HDAC9: variants seen among roughly 807,000 people sequenced by gnomAD.
HDAC9 encodes the protein histone deacetylase 9.
In HDAC9, 41 loss-of-function variants were observed where a neutral mutation model predicts 139.4. That is an observed-to-expected ratio of 0.29 (90% confidence interval 0.23 to 0.38). HDAC9 has a LOEUF of 0.38. HDAC9 is among the 10% of genes least tolerant of loss of function. The pLI, the probability that HDAC9 is intolerant of heterozygous loss-of-function variation, is 1.00. For missense variants in HDAC9, 1,147 were observed against 1,297.0 expected, an observed-to-expected ratio of 0.88 and a Z score of 1.78; for synonymous variants, 517 against 476.2, an observed-to-expected ratio of 1.09 and a Z score of -1.12.
chr7:18,882,936 G>T (rs967002770), intron 22 of HDAC9, among the ~76,000 whole-genome samples: 1 of 152,040 alleles, frequency 6.6e-6, no homozygotes, highest in African/African-American at 2.4e-5. Flanking sequence ...AATAGTAAGT[G>T]TATTGTCCAT....
chr7:18,924,169 G>A (rs1585321232), intron 22 of HDAC9, among the ~76,000 whole-genome samples: 1 of 149,122 alleles, frequency 6.7e-6, no homozygotes, highest in Admixed American at 6.7e-5. Context: ...CTATCCTATT[G>A]GGCTTATTAG....
chr7:18,227,118 A>G (rs1414518970), intron 2 of HDAC9, among the ~76,000 whole-genome samples: 4 of 152,218 alleles, frequency 2.6e-5, no homozygotes, highest in African/African-American at 7.2e-5. Context: ...GTGCATACAC[A>G]TAAGTCTTTC....
At chr7:18,786,448 T>C (rs1299685289) in intron 16 of HDAC9, among the ~76,000 whole-genome samples, 1 of 144,422 alleles carries the variant, frequency 6.9e-6, no homozygotes, top group East Asian at 2.0e-4. Context: ...TTTTTTCCCA[T>C]CGCCCTTTCC....
chr7:18,175,539 T>G (rs911339959), intron 2 of HDAC9, among the ~76,000 whole-genome samples: 1 of 152,176 alleles, frequency 6.6e-6, no homozygotes, highest in Admixed American at 6.5e-5. Context: ...GTCTTCTGTG[T>G]TGATCACGAT....
chr7:18,772,442 T>C (rs1208951692), intron 16 of HDAC9, among the ~76,000 whole-genome samples: 1 of 152,058 alleles, frequency 6.6e-6, no homozygotes, highest in African/African-American at 2.4e-5. Context: ...CCAATTATCC[T>C]GAGCAAGCAC....
chr7:18,767,495 AAC>A (rs1294157470), intron 16 of HDAC9, among the ~76,000 whole-genome samples: 1 of 152,220 alleles, frequency 6.6e-6, no homozygotes, highest in African/African-American at 2.4e-5. Context: ...AAGAGAGTTT[AAC>A]ACAGATTTGC....
At chr7:18,764,512 A>T (rs1192496158) in intron 15 of HDAC9, among the ~76,000 whole-genome samples, 2 of 152,060 alleles carry the variant, frequency 1.3e-5, no homozygotes, top group Non-Finnish European at 2.9e-5. Flanking sequence ...AGTTTAGCTA[A>T]TTTTTCTCAA....
At position 18,780,357 on chromosome 7, in the gene HDAC9, T is replaced by TA. The variant is rs376432019; in HGVS notation, c.2215-12988_2215-12987insA. ...TGAGAGATCAGATAGCAGGCTCCCA[T>TA]TAGCTTGTCACTGGGGATCTTGTTG... is the stretch of plus-strand genomic sequence containing the variant. On this transcript the variant is annotated intron_variant, in intron 16 of 25. Coordinates refer to ENST00000686413, the MANE Select transcript of HDAC9 (RefSeq NM_178425.4). Among the ~76,000 whole-genome samples the TA allele has an allele frequency of 1.7e-4, 26 of 152,188 alleles. 1 individual carries two copies. The highest frequency in any genetic ancestry group is 5.8e-4 in the African/African-American group (24 of 41,552).
chr7:18,254,421 A>G (rs1297550618), intron 2 of HDAC9, among the ~76,000 whole-genome samples: 2 of 152,144 alleles, frequency 1.3e-5, no homozygotes, highest in South Asian at 4.1e-4. Context: ...GCAAACAATT[A>G]TATATATGAG....
chr7:18,537,908 G>A (rs887548609), intron 2 of HDAC9, among the ~76,000 whole-genome samples: 1 of 152,154 alleles, frequency 6.6e-6, no homozygotes, highest in African/African-American at 2.4e-5. Flanking sequence ...GCTTTCCTAA[G>A]GCCTCAGTTG....
chr7:18,691,020 C>T (rs527388175), intron 12 of HDAC9, among the ~76,000 whole-genome samples: 3 of 152,062 alleles, frequency 2.0e-5, no homozygotes, highest in African/African-American at 4.8e-5. Context: ...TTATAAATAA[C>T]TTCTGTGGAA....
At chr7:18,307,722 G>A (rs1382962677) in intron 1 of HDAC9, among the ~76,000 whole-genome samples, 9 of 152,070 alleles carry the variant, frequency 5.9e-5, no homozygotes, top group Non-Finnish European at 1.2e-4. Context: ...AGAATCCCTT[G>A]AGCCCAGGAG....
At chr7:18,633,168 G>C (rs1230248967) in intron 7 of HDAC9, among the ~76,000 whole-genome samples, 1 of 152,104 alleles carries the variant, frequency 6.6e-6, no homozygotes, top group African/African-American at 2.4e-5. Flanking sequence ...GTGAATGTCT[G>C]AATTTAGGAA....
rs1284902525 is a variant in HDAC9, at chr7:18,438,911, G to T, written c.-41-57351G>T. Among the ~76,000 whole-genome samples the T allele has an allele frequency of 2.0e-5, 3 of 152,118 alleles. No homozygotes were observed. In the East Asian group the frequency reaches 5.8e-4, roughly 29 times the overall value. Reference sequence around the variant, plus strand: ...ATAAATTATCTTTGCCTGCATTACAGTGATGATGCTAACAGTTAAGGGCAT... The same window carrying T: ...ATAAATTATCTTTGCCTGCATTACATTGATGATGCTAACAGTTAAGGGCAT... On this transcript the variant is annotated intron_variant, in intron 1 of 3. Transcript: ENST00000413509.
chr7:18,539,150 A>G (rs1174461717), intron 2 of HDAC9, among the ~76,000 whole-genome samples: 1 of 152,200 alleles, frequency 6.6e-6, no homozygotes, highest in Admixed American at 6.5e-5. Flanking sequence ...ACAGAAACAC[A>G]TTCACACAAT....
chr7:18,299,480 G>A (rs1258977426), intron 1 of HDAC9, among the ~76,000 whole-genome samples: 2 of 152,064 alleles, frequency 1.3e-5, no homozygotes, highest in Non-Finnish European at 2.9e-5. Context: ...TTACTGGCGA[G>A]GGTACTTTTC....
chr7:18,702,666 C>T (rs560828110), intron 12 of HDAC9, among the ~76,000 whole-genome samples: 8 of 151,940 alleles, frequency 5.3e-5, no homozygotes, highest in East Asian at 1.9e-4. Context: ...GTGAAATCCC[C>T]TCATGGGAGG....
intron 1 of HDAC9, among the ~76,000 whole-genome samples, chr7:18,445,506 G>T (rs1163527679): frequency 6.6e-6 from 1 of 152,122 alleles, no homozygotes; most frequent in South Asian, 2.1e-4. Flanking sequence ...GGGCTGAGCG[G>T]CCTCTGTGAT....
intron 2 of HDAC9, among the ~76,000 whole-genome samples, chr7:18,524,017 G>A (rs552515070): frequency 3.3e-5 from 5 of 151,698 alleles, no homozygotes; most frequent in Non-Finnish European, 5.9e-5. Context: ...GAAGTGTAGA[G>A]CAACACTGAG....
Sources: gnomAD v4.1 joint callset for allele counts (sites outside exome capture counted in the v4.1 genomes callset) on GRCh38, gnomAD v4.1.1 for gene constraint, MANE v1.5 for transcripts, NCBI Gene and HGNC (gene_info 2026-07-23, HGNC 2026-07-21) for gene names.